ZNF16: variants seen among roughly 807,000 people sequenced by gnomAD.
ZNF16 encodes zinc finger protein KOX9.
A neutral mutation model predicts 9.0 loss-of-function variants in ZNF16; 7 were observed. The ratio of observed to expected loss-of-function variants is 0.78; its 90% CI spans 0.44 to 1.47. The LOEUF (loss-of-function observed/expected upper bound fraction) is 1.47, where lower values mean the gene tolerates loss of function less well. Among genes scored for constraint, ZNF16 ranks in the 40% most tolerant of loss-of-function variants. ZNF16 has a pLI of 0.01. For synonymous variants in ZNF16, 312 were observed against 301.5 expected (o/e 1.03, Z -0.36); for missense variants, 830 against 854.2 (o/e 0.97, Z 0.35).
rs540725992 is a variant in ZNF16, at chr8:144,943,471, G to A, written c.196+2540C>T. Among the ~76,000 whole-genome samples the A allele has an allele frequency of 2.6e-5, 4 of 151,686 alleles. No individual in the cohort carries two copies. The South Asian group carries it at 8.4e-4, about 32-fold the overall frequency. Reference sequence around the variant, plus strand: ...TTTCCTTCTTGAACATCCCTACTATGCACGTTGGTCTACTTGATGGTGTCT... The same window carrying A: ...TTTCCTTCTTGAACATCCCTACTATACACGTTGGTCTACTTGATGGTGTCT... On this transcript the variant is annotated intron_variant, in intron 2 of 2. Transcript: ENST00000394909.
chr8:144,932,117 G>C lies in ZNF16; in HGVS notation c.670C>G (p.Leu224Val), dbSNP rs142226985. The change falls in exon 3 of 3, where the codon CTT becomes GTT. Residue 224 changes from leucine to valine, a missense_variant. Leu to Val is a conservative substitution (Grantham distance 32, BLOSUM62 1). Transcript: ENST00000394909. The surrounding 1 kb of genome is among the most constrained non-coding windows in gnomAD (Gnocchi z 5.0). ...CGKTFQGNPD[L>V]IQRQIVHTGE... is the part of the protein sequence containing the mutation. Reference sequence around the variant, plus strand: ...GTGTGGACTATTTGACGCTGAATAAGGTCAGGATTTCCTTGGAAGGTTTTC... The same window carrying C: ...GTGTGGACTATTTGACGCTGAATAACGTCAGGATTTCCTTGGAAGGTTTTC... The C allele has an allele frequency of 1.5e-4, 243 of 1,614,158 alleles. No homozygotes were observed. The African/African-American group carries it at 3.0e-3, about 20-fold the overall frequency.
In ZNF16 at chr8:144,930,444, A is replaced by G. The variant is rs1209865936; in HGVS notation, c.*294T>C. ...ACTTTTCATTATAATAATAAACTCT[A>G]TTCATGAATATGCAGCCTCCATAAT... On this transcript the variant is annotated 3_prime_UTR_variant, in exon 3 of 3. Coordinates refer to ENST00000394909, the MANE Select transcript of ZNF16 (RefSeq NM_006958.3). 3.0e-6 allele frequency: 1 copy of G among 332,516 alleles called. No individual in the cohort carries two copies. The highest frequency in any genetic ancestry group is 5.5e-6 in the Non-Finnish European group (1 of 183,242). The allele number at this position is 332,516 out of a possible 1,614,324, so 20.6% of individuals were successfully genotyped here. A position where few individuals can be genotyped will look rare whatever the true frequency, so the allele number is the denominator to read the frequency against.
chr8:144,943,302 G>A (rs1833847325), intron 2 of ZNF16, among the ~76,000 whole-genome samples: 1 of 152,080 alleles, frequency 6.6e-6, no homozygotes, highest in Non-Finnish European at 1.5e-5. Context: ...AATTTGATTA[G>A]AAAGAGACCT....
At position 144,946,058 on chromosome 8, in the gene ZNF16, C is replaced by A; in HGVS notation, c.149G>T (p.Cys50Phe). Residue 50 changes from cysteine (C) to phenylalanine (F), a missense_variant, in exon 2 of 3, where the codon TGT becomes TTT. Physicochemically the swap from Cys to Phe is radical, Grantham distance 205 (BLOSUM62 -2). Coordinates refer to ENST00000394909, the MANE Select transcript of ZNF16 (RefSeq NM_006958.3). ...PGSAACGTPC[C>F]SDTELEAICP... ...GATGGCTTCCAGCTCAGTATCACTA[C>A]AGCAGGGGGTACCACAGGCTGCAGA... The A allele has an allele frequency of 6.2e-7, 1 of 1,613,750 alleles. No homozygotes were observed. The highest frequency in any genetic ancestry group is 8.5e-7 in the Non-Finnish European group (1 of 1,179,742).
intron 1 of ZNF16, among the ~76,000 whole-genome samples, chr8:144,949,943 A>C (rs1834057417): frequency 6.6e-6 from 1 of 151,942 alleles, no homozygotes; most frequent in Non-Finnish European, 1.5e-5. Flanking sequence ...GAGGAAGGCC[A>C]CTCTCTCCTG....
chr8:144,939,087 A>T (rs1023368797), intron 2 of ZNF16, among the ~76,000 whole-genome samples: 10 of 152,252 alleles, frequency 6.6e-5, no homozygotes, highest in Non-Finnish European at 1.2e-4. Context: ...GTTAAATCCC[A>T]CTTGGTCATA....
chr8:144,947,425 C>T (rs1276552509), intron 1 of ZNF16, among the ~76,000 whole-genome samples: 2 of 151,752 alleles, frequency 1.3e-5, no homozygotes, highest in East Asian at 3.8e-4. Context: ...ACTCTTCTCA[C>T]TCCTTGTTGC....
At chr8:144,947,931 C>G (rs1834003865) in intron 1 of ZNF16, 1 of 152,320 alleles carries the variant, frequency 6.6e-6, no homozygotes, top group South Asian at 2.1e-4. Flanking sequence ...ACTGGGAGCA[C>G]TGACATACCT....
chr8:144,931,034 T>C lies in ZNF16; in HGVS notation c.1753A>G (p.Ser585Gly), dbSNP rs1833518318. ...CNQCGKAFNR[S>G]SNLIHHQKVH... ...TTCTGGTGGTGAATGAGATTTGAGC[T>C]TCGGTTGAAGGCTTTACCACACTGG... The change falls in exon 3 of 3, where the codon AGC becomes GGC. Residue 585 changes from serine to glycine, a missense_variant. By Grantham distance (56) the Ser-to-Gly change is moderately conservative. Transcript: ENST00000394909. 2 of 1,614,096 alleles carry C rather than the reference T, an allele frequency of 1.2e-6. No individual in the cohort carries two copies. Among genetic ancestry groups the C allele is most frequent in the African/African-American group, 1.3e-5 (1 of 74,932 alleles).
intron 1 of ZNF16, chr8:144,948,315 G>C (rs546758816): frequency 6.6e-6 from 1 of 152,358 alleles, no homozygotes; most frequent in East Asian, 1.9e-4. Context: ...AGGGTGCTCA[G>C]AGGAATGGTG....
At chr8:144,950,028 CTG>C (rs1834061706) in intron 1 of ZNF16, among the ~76,000 whole-genome samples, 1 of 152,240 alleles carries the variant, frequency 6.6e-6, no homozygotes, top group African/African-American at 2.4e-5. Flanking sequence ...AGGAGAAAAA[CTG>C]CCCTATGGTG....
chr8:144,931,409 G>A lies in ZNF16; in HGVS notation c.1378C>T (p.Pro460Ser). Residue 460 changes from proline (P) to serine (S), a missense_variant, in exon 3 of 3, where the codon CCT becomes TCT. Transcript: ENST00000394909. ...QHRRIHTGEKPHVCNVCGKAF... is the reference protein window; with the variant it reads ...QHRRIHTGEKSHVCNVCGKAF... ...TTTCCACATACATTACACACGTGAGGCTTTTCTCCAGTGTGAATTCTCCGA... is the reference window on the plus strand; with the variant it reads ...TTTCCACATACATTACACACGTGAGACTTTTCTCCAGTGTGAATTCTCCGA... 2 of 1,614,152 alleles carry A rather than the reference G, an allele frequency of 1.2e-6. No individual in the cohort carries two copies. The highest frequency in any genetic ancestry group is 1.7e-6 in the Non-Finnish European group (2 of 1,180,030).
At chr8:144,941,567 T>G (rs997991999) in intron 2 of ZNF16, among the ~76,000 whole-genome samples, 7 of 152,204 alleles carry the variant, frequency 4.6e-5, no homozygotes, top group Non-Finnish European at 1.0e-4. Flanking sequence ...TTTTGATAAA[T>G]CTTTTACCTT....
At chr8:144,946,556 C>CTGTGT (rs1833937769) in intron 1 of ZNF16, among the ~76,000 whole-genome samples, 1 of 121,304 alleles carries the variant, frequency 8.2e-6, no homozygotes, top group Non-Finnish European at 1.7e-5. Flanking sequence ...TGCTGTGGGG[C>CTGTGT]CTGTACCCTG....
At position 144,933,248 on chromosome 8, in the gene ZNF16, G is replaced by A. The variant is rs1056410329; in HGVS notation, c.197-658C>T. On this transcript the variant is annotated intron_variant, in intron 2 of 2. Coordinates refer to ENST00000394909, the MANE Select transcript of ZNF16 (RefSeq NM_006958.3). The surrounding 1 kb of genome is among the most constrained non-coding windows in gnomAD (Gnocchi z 5.6). ...AGGCATCATTCAACCACTCCTGTGC[G>A]GCAGGGACCTGTGTGGAACATCAGA... Among the ~76,000 whole-genome samples the A allele has an allele frequency of 2.1e-4, 32 of 152,096 alleles. No homozygotes were observed. Among genetic ancestry groups the A allele is most frequent in the African/African-American group, 7.5e-4 (31 of 41,400 alleles).
At chr8:144,941,803 C>T (rs1419446119) in intron 2 of ZNF16, among the ~76,000 whole-genome samples, 6 of 145,868 alleles carry the variant, frequency 4.1e-5, no homozygotes, top group East Asian at 2.1e-4. Flanking sequence ...GGACTACAGG[C>T]GGGTGCCATC....
chr8:144,944,122 GT>G (rs1402873849), intron 2 of ZNF16: 2 of 148,848 alleles, frequency 1.3e-5, no homozygotes, highest in Non-Finnish European at 3.0e-5. Flanking sequence ...CCACGCTGGA[GT>G]GCAGTGGTGT....
chr8:144,931,294 A>C lies in ZNF16; in HGVS notation c.1493T>G (p.Phe498Cys), dbSNP rs771997634. The change falls in exon 3 of 3, where the codon TTC becomes TGC. Residue 498 changes from phenylalanine to cysteine, a missense_variant. Phe to Cys is a radical substitution (Grantham distance 205). Coordinates refer to ENST00000394909, the MANE Select transcript of ZNF16 (RefSeq NM_006958.3). ...PYRCSVCGKA[F>C]SHSSALIQHQ... Reference sequence around the variant, plus strand: ...CTGAATGAGGGCTGAGCTGTGGCTGAAGGCCTTCCCACAGACACTGCATCT... The same window carrying C: ...CTGAATGAGGGCTGAGCTGTGGCTGCAGGCCTTCCCACAGACACTGCATCT... The C allele has an allele frequency of 6.2e-7, 1 of 1,614,164 alleles. No individual in the cohort carries two copies. Among genetic ancestry groups the C allele is most frequent in the Non-Finnish European group, 8.5e-7 (1 of 1,180,026 alleles).
At chr8:144,945,892 G>A in intron 2 of ZNF16, 119 bp downstream of exon 2, 2 of 1,477,888 alleles carry the variant, frequency 1.4e-6, no homozygotes, top group Non-Finnish European at 1.8e-6. Context: ...TTGAGTCAGA[G>A]TACCCCGTCA....
Sources: gnomAD v4.1 joint callset for allele counts (sites outside exome capture counted in the v4.1 genomes callset) on GRCh38, gnomAD v4.1.1 for gene constraint, Gnocchi (gnomAD v3.1) non-coding constraint, MANE v1.5 for transcripts, NCBI Gene and HGNC (gene_info 2026-07-23, HGNC 2026-07-21) for gene names.